Variants in SORCS2 observed in about 807,000 individuals in gnomAD.
The protein encoded by SORCS2 is VPS10 domain-containing receptor SorCS2.
A neutral mutation model predicts 141.6 loss-of-function variants in SORCS2; 100 were observed. The ratio of observed to expected loss-of-function variants is 0.71; its 90% CI spans 0.60 to 0.83. SORCS2 has a LOEUF of 0.83. Ranked by LOEUF, SORCS2 falls within the 40% of genes least tolerant of loss-of-function variation. The pLI is 0.00. For synonymous variants in SORCS2, 789 were observed against 676.9 expected (o/e 1.17, Z -2.57); for missense variants, 1,646 against 1,560.2 (o/e 1.05, Z -0.93).
intron 1 of SORCS2, among the ~76,000 whole-genome samples, chr4:7,315,221 G>A (rs62277336): frequency 0.28 from 42,025 of 152,112 alleles, 6,093 homozygotes; most frequent in East Asian, 0.43. Flanking sequence ...ACCAGCCTCT[G>A]CAGCCCCTGG....
chr4:7,627,489 C>T (rs370052830), intron 3 of SORCS2, among the ~76,000 whole-genome samples: 5 of 152,190 alleles, frequency 3.3e-5, no homozygotes, highest in African/African-American at 1.2e-4. Context: ...ATGGGGCCCT[C>T]GTCCGCCTAG....
chr4:7,568,559 C>T (rs570598523), intron 3 of SORCS2, among the ~76,000 whole-genome samples: 6 of 152,288 alleles, frequency 3.9e-5, no homozygotes, highest in Middle Eastern at 3.4e-3. Flanking sequence ...ATCACAGCGA[C>T]CACCAAAAAC....
intron 2 of SORCS2, among the ~76,000 whole-genome samples, chr4:7,403,995 A>AT (rs1352478314): frequency 1.6e-3 from 15 of 9,550 alleles, no homozygotes; most frequent in Non-Finnish European, 6.4e-3. Flanking sequence ...ATATATATAT[A>AT]TATTTTTTTT....
intron 1 of SORCS2, among the ~76,000 whole-genome samples, chr4:7,389,783 T>G (rs1042879979): frequency 6.6e-6 from 1 of 151,740 alleles, no homozygotes; most frequent in African/African-American, 2.4e-5. Context: ...GGTGACAGAG[T>G]CAAGGCCGGA....
intron 3 of SORCS2, among the ~76,000 whole-genome samples, chr4:7,561,378 G>A (rs1282214030): frequency 6.7e-6 from 1 of 149,558 alleles, no homozygotes; most frequent in Non-Finnish European, 1.5e-5. Flanking sequence ...CTGAAATTAT[G>A]TTTGTTCATC....
chr4:7,690,941 A>G (rs1403548678), intron 11 of SORCS2, among the ~76,000 whole-genome samples: 1 of 152,226 alleles, frequency 6.6e-6, no homozygotes, highest in African/African-American at 2.4e-5. Context: ...GATTTGCTTT[A>G]GAAGAACCAT....
chr4:7,359,072 G>T (rs1471451320), intron 1 of SORCS2, among the ~76,000 whole-genome samples: 1 of 152,250 alleles, frequency 6.6e-6, no homozygotes, highest in Non-Finnish European at 1.5e-5. Context: ...GAGGCAGGGG[G>T]ATCATCTGAG....
At chr4:7,283,875 C>T (rs1315658390) in intron 1 of SORCS2, among the ~76,000 whole-genome samples, 1 of 152,038 alleles carries the variant, frequency 6.6e-6, no homozygotes, top group Non-Finnish European at 1.5e-5. Context: ...CCTGCCTGTG[C>T]TGGGAGCCAC....
chr4:7,216,710 G>C (rs1487273772), intron 1 of SORCS2, among the ~76,000 whole-genome samples: 1 of 151,874 alleles, frequency 6.6e-6, no homozygotes, highest in African/African-American at 2.4e-5. Context: ...ATGACTTTAG[G>C]GCCACCAGAC....
intron 1 of SORCS2, among the ~76,000 whole-genome samples, chr4:7,393,524 G>T (rs1352848526): frequency 6.6e-6 from 1 of 152,196 alleles, no homozygotes; most frequent in Admixed American, 6.5e-5. Context: ...AATTGCCTGG[G>T]ATCAAATTCT....
chr4:7,208,136 A>G (rs1393851350), intron 1 of SORCS2, among the ~76,000 whole-genome samples: 1 of 152,074 alleles, frequency 6.6e-6, no homozygotes, highest in Non-Finnish European at 1.5e-5. Flanking sequence ...AAAGAAGACC[A>G]CCGAGGCGGC....
intron 26 of SORCS2, among the ~76,000 whole-genome samples, chr4:7,737,851 T>C (rs1006025675): frequency 2.0e-5 from 3 of 152,158 alleles, no homozygotes; most frequent in Non-Finnish European, 4.4e-5. Context: ...GGTGCAGCAG[T>C]CATCTCAAAG....
intron 1 of SORCS2, among the ~76,000 whole-genome samples, chr4:7,343,050 C>A (rs1378153065): frequency 7.9e-5 from 12 of 152,216 alleles, no homozygotes; most frequent in Non-Finnish European, 1.5e-4. Context: ...GCAACGTTGA[C>A]GTAGTCCCCG....
At chr4:7,331,260 G>T (rs1247804743) in intron 1 of SORCS2, among the ~76,000 whole-genome samples, 1 of 152,148 alleles carries the variant, frequency 6.6e-6, no homozygotes, top group Non-Finnish European at 1.5e-5. Context: ...ACGTGACCTG[G>T]GCCTGGGCTG....
At chr4:7,698,394 G>C (rs1383127311) in intron 12 of SORCS2, among the ~76,000 whole-genome samples, 1 of 152,214 alleles carries the variant, frequency 6.6e-6, no homozygotes, top group African/African-American at 2.4e-5. Flanking sequence ...TGAAGGCCTT[G>C]ACGTTTTTTA....
chr4:7,525,691 T>C (rs1344406462), intron 2 of SORCS2, among the ~76,000 whole-genome samples: 1 of 151,356 alleles, frequency 6.6e-6, no homozygotes, highest in Non-Finnish European at 1.5e-5. Context: ...CAGTCACCTG[T>C]CCCCACCTCA....
chr4:7,243,806 C>G (rs921816583), intron 1 of SORCS2, among the ~76,000 whole-genome samples: 1 of 152,222 alleles, frequency 6.6e-6, no homozygotes, highest in Non-Finnish European at 1.5e-5. Context: ...AGCTTCCCTG[C>G]GAGGGCAGGC....
At chr4:7,476,688 C>A (rs1730317409) in intron 2 of SORCS2, among the ~76,000 whole-genome samples, 1 of 152,184 alleles carries the variant, frequency 6.6e-6, no homozygotes, top group Non-Finnish European at 1.5e-5. Context: ...GGCCATGCCT[C>A]CTGCTAGGAG....
At chr4:7,463,188 A>G (rs1729416237) in intron 2 of SORCS2, among the ~76,000 whole-genome samples, 1 of 152,174 alleles carries the variant, frequency 6.6e-6, no homozygotes, top group Non-Finnish European at 1.5e-5. Flanking sequence ...CACTCTGTTG[A>G]GAAGCCTCCT....
Sources: allele counts gnomAD v4.1 joint callset (sites outside exome capture counted in the v4.1 genomes callset), GRCh38; gene constraint gnomAD v4.1.1; transcripts MANE v1.5; gene names NCBI Gene and HGNC (gene_info 2026-07-23, HGNC 2026-07-21).